The following DBF4B variants were observed in gnomAD, a reference collection of about 807,000 sequenced individuals.
The protein encoded by DBF4B is protein DBF4 homolog B.
DBF4B carries 49 observed loss-of-function variants against 53.4 expected under a neutral mutation model. That is an observed-to-expected ratio of 0.92 (90% CI 0.73 to 1.16). The LOEUF (loss-of-function observed/expected upper bound fraction) is 1.16, where lower values mean the gene tolerates loss of function less well. Ranked by LOEUF, DBF4B falls within the 50% of genes most tolerant of loss-of-function variation. The pLI, the probability that DBF4B is intolerant of heterozygous loss-of-function variation, is 0.00. For missense variants in DBF4B, 692 were observed against 775.0 expected (o/e 0.89, Z 1.27); for synonymous variants, 257 against 288.7 (o/e 0.89, Z 1.11).
rs1406797177 is a variant in DBF4B, at chr17:44,709,377, G to A, written c.82+11G>A. ...GGGCCCCGGACCTAGGTGGGTAACA[G>A]GACAGAACTAGGGACGTGAGGTGAA... On this transcript the variant is annotated intron_variant, in intron 2 of 13. Coordinates refer to ENST00000315005, the MANE Select transcript of DBF4B (RefSeq NM_145663.3). 5 of 1,614,016 alleles carry A rather than the reference G, an allele frequency of 3.1e-6. No homozygotes were observed. In the African/African-American group the frequency reaches 6.7e-5, roughly 22 times the overall value.
chr17:44,747,401 G>A lies in DBF4B; in HGVS notation c.950G>A (p.Ser317Asn). The A allele has an allele frequency of 6.2e-7, 1 of 1,614,040 alleles. No individual in the cohort carries two copies. Among genetic ancestry groups the A allele is most frequent in the Non-Finnish European group, 8.5e-7 (1 of 1,180,034 alleles). ...AFEELHVHLQ[S>N]AQHRSFALEA... ...CTCCCCCGCCGGCAGCATCTTCAGA[G>A]TGCCCAGCACCGGAGCTTTGCCCTG... The change falls in exon 12 of 14, where the codon AGT becomes AAT. Residue 317 changes from serine to asparagine, a missense_variant. This residue lies in a region of DBF4B where 597 missense variants were observed against 665.8 expected (regional missense o/e 0.90). Coordinates refer to ENST00000315005, the MANE Select transcript of DBF4B (RefSeq NM_145663.3).
Position 44,749,788 on chromosome 17 carries a change from G to C in DBF4B, c.1190-807G>C. The C allele has an allele frequency of 9.4e-7, 1 of 1,065,302 alleles. No homozygotes were observed. 66.0% of individuals were successfully genotyped at this position (1,065,302 alleles called of 1,614,324 possible). On this transcript the variant is annotated intron_variant, in intron 13 of 13. Transcript: ENST00000315005. This position sits in a 1 kb window ranked among gnomAD's most constrained non-coding sequence, Gnocchi z 4.4. ...GCCCTTGCCTCTCTGCAGAGCCGCG[G>C]GTTAGCTGTTGGTGTGCTCCACCCC...
At chr17:44,715,194 G>C (rs182733991) in intron 2 of DBF4B, among the ~76,000 whole-genome samples, 26 of 151,542 alleles carry the variant, frequency 1.7e-4, no homozygotes, top group Admixed American at 1.4e-3. Flanking sequence ...TGATTTTCTT[G>C]TGGATTTTTG....
chr17:44,708,998 AC>A (rs751172521), intron 1 of DBF4B, 159 bp downstream of exon 1: 2 of 1,017,386 alleles, frequency 2.0e-6, no homozygotes, highest in Non-Finnish European at 2.9e-6. Flanking sequence ...AGTTGAGGGG[AC>A]CGAGGAATGA....
intron 2 of DBF4B, among the ~76,000 whole-genome samples, chr17:44,714,842 C>T (rs1414184512): frequency 6.6e-6 from 1 of 151,808 alleles, no homozygotes; most frequent in Non-Finnish European, 1.5e-5. Flanking sequence ...AGCTACCATG[C>T]CCAGCTTATT....
At chr17:44,715,581 G>A (rs79456825) in intron 2 of DBF4B, among the ~76,000 whole-genome samples, 21,759 of 151,668 alleles carry the variant, frequency 0.14, 1,655 homozygotes, top group South Asian at 0.27. Flanking sequence ...TCCAATTTTC[G>A]TTGAATTTTT....
intron 3 of DBF4B, among the ~76,000 whole-genome samples, chr17:44,729,195 A>T (rs1974603074): frequency 6.6e-6 from 1 of 151,720 alleles, no homozygotes; most frequent in Admixed American, 6.6e-5. Context: ...AAAATAAGCC[A>T]TTTTAGCCTT....
At chr17:44,741,761 C>T (rs1598847940) in intron 10 of DBF4B, among the ~76,000 whole-genome samples, 1 of 152,210 alleles carries the variant, frequency 6.6e-6, no homozygotes, top group Non-Finnish European at 1.5e-5. Flanking sequence ...CACTCTTACC[C>T]TGTCCGCCCA....
intron 2 of DBF4B, among the ~76,000 whole-genome samples, chr17:44,711,928 C>T (rs1027547059): frequency 6.1e-5 from 9 of 148,170 alleles, no homozygotes; most frequent in African/African-American, 2.3e-4. Context: ...GAGCAAGACT[C>T]TGTCTCAAAA....
intron 12 of DBF4B, 37 bp downstream of exon 12, chr17:44,747,552 C>CTCTCCTCTGTTGCCCTCTGG (rs1567676304): frequency 6.2e-7 from 1 of 1,610,312 alleles, no homozygotes; most frequent in Non-Finnish European, 8.5e-7. Flanking sequence ...TGTGTCTGCT[C>CTCTCCTCTGTTGCCCTCTGG]TCTCCTCTGT....
Position 44,729,728 on chromosome 17 carries a change from C to CACA in DBF4B, c.226-177_226-176insACA, listed in dbSNP as rs1190920013. On this transcript the variant is annotated intron_variant, in intron 3 of 13. Coordinates refer to ENST00000315005, the MANE Select transcript of DBF4B (RefSeq NM_145663.3). ...CACACACACACACACACACACACAC[C>CACA]CCATTAGATTTCAGGATGATGTCTT... 5.3e-3 allele frequency among the ~76,000 whole-genome samples: 674 copies of CACA among 126,120 alleles called. 6 individuals carry two copies. The highest frequency in any genetic ancestry group is 0.019 in the African/African-American group (651 of 35,068). 82.7% of individuals were successfully genotyped at this position (126,120 alleles called of 152,430 possible). A position where few individuals can be genotyped will look rare whatever the true frequency, so the allele number is the denominator to read the frequency against.
Position 44,732,319 on chromosome 17 carries a change from G to A in DBF4B, c.556+54G>A, listed in dbSNP as rs1974911872. ...AGGGAGAATTGGTGACTTTGACCAG[G>A]AGTGTCAGCTTTTAGAAGGATCATG... On this transcript the variant is annotated intron_variant, in intron 6 of 13. Transcript: ENST00000315005. 3.2e-6 allele frequency: 5 copies of A among 1,584,942 alleles called. No homozygotes were observed. The East Asian group carries it at 1.1e-4, about 36-fold the overall frequency.
intron 10 of DBF4B, among the ~76,000 whole-genome samples, chr17:44,744,023 G>A (rs1338252424): frequency 2.7e-5 from 4 of 150,060 alleles, no homozygotes; most frequent in African/African-American, 9.9e-5. Flanking sequence ...GAGGCCAAGG[G>A]GGAAGGATCA....
intron 2 of DBF4B, chr17:44,720,269 C>T (rs896664269): frequency 1.4e-5 from 4 of 286,676 alleles, no homozygotes; most frequent in Middle Eastern, 1.4e-3. Context: ...AATATCTAGG[C>T]ATTTTGTGAA....
intron 8 of DBF4B, 138 bp from the exon 9 acceptor site, chr17:44,738,241 T>C (rs1267942210): frequency 1.1e-6 from 1 of 891,082 alleles, no homozygotes; most frequent in Non-Finnish European, 1.7e-6. Context: ...GAGCGCAGCC[T>C]GGGGTGGCAT....
At chr17:44,712,841 A>G (rs1233021077) in intron 2 of DBF4B, among the ~76,000 whole-genome samples, 1 of 149,940 alleles carries the variant, frequency 6.7e-6, no homozygotes, top group African/African-American at 2.5e-5. Flanking sequence ...TCCCAAAGTG[A>G]TGGAATTACA....
intron 2 of DBF4B, among the ~76,000 whole-genome samples, chr17:44,717,211 G>T (rs549880678): frequency 7.9e-4 from 120 of 151,826 alleles, no homozygotes; most frequent in Non-Finnish European, 1.6e-3. Context: ...TTATCTCTTT[G>T]TGATACCTTC....
chr17:44,722,636 T>C lies in DBF4B; in HGVS notation c.83-244T>C, dbSNP rs61055286. On this transcript the variant is annotated intron_variant, in intron 2 of 13. Transcript: ENST00000315005. ...TTTACTTAAATGGCTTCCCTAGATT[T>C]AGATTCTAAGGAAGAAGTGAAGAAG... is the stretch of plus-strand genomic sequence containing the variant. 3.0e-3 allele frequency among the ~76,000 whole-genome samples: 457 copies of C among 152,346 alleles called. 3 individuals carry two copies. The highest frequency in any genetic ancestry group is 0.01 in the African/African-American group (428 of 41,582).
intron 2 of DBF4B, among the ~76,000 whole-genome samples, chr17:44,717,078 G>T (rs1435941735): frequency 6.6e-6 from 1 of 152,024 alleles, no homozygotes; most frequent in Non-Finnish European, 1.5e-5. Context: ...CAGAAGCCTG[G>T]ATCATTATTT....
Sources: allele counts gnomAD v4.1 joint callset (sites outside exome capture counted in the v4.1 genomes callset), GRCh38; gene constraint gnomAD v4.1.1; regional missense constraint gnomAD v4.1.1; non-coding constraint Gnocchi (gnomAD v3.1); transcripts MANE v1.5; gene names NCBI Gene and HGNC (gene_info 2026-07-23, HGNC 2026-07-21).